The following RPS6KB1 variants were observed in gnomAD, a reference collection of about 807,000 sequenced individuals.
RPS6KB1 encodes the protein ribosomal protein S6 kinase beta-1.
A neutral mutation model predicts 70.2 loss-of-function variants in RPS6KB1; 12 were observed. The ratio of observed to expected loss-of-function variants is 0.17; its 90% CI spans 0.11 to 0.28. The LOEUF is 0.28. RPS6KB1 is among the 10% of genes least tolerant of loss of function. RPS6KB1 has a pLI of 1.00. For synonymous variants in RPS6KB1, 175 were observed against 211.2 expected (o/e 0.83, Z 1.49); for missense variants, 270 against 646.6 (o/e 0.42, Z 6.32).
intron 2 of RPS6KB1, 25 bp downstream of exon 2, chr17:59,910,636 A>G (rs2042577734): frequency 6.7e-7 from 1 of 1,482,188 alleles, no homozygotes; most frequent in Non-Finnish European, 9.3e-7. Flanking sequence ...AGAGATTTTC[A>G]TTGTGTTGTC....
chr17:59,919,388 G>A (rs568089131), intron 4 of RPS6KB1, among the ~76,000 whole-genome samples: 1 of 152,288 alleles, frequency 6.6e-6, no homozygotes, highest in Admixed American at 6.5e-5. Flanking sequence ...CTGGGAGGTG[G>A]AGGTTGCAGT....
Position 59,928,420 on chromosome 17 carries a change from G to A in RPS6KB1, c.530-1697G>A, listed in dbSNP as rs572364661. Among the ~76,000 whole-genome samples the A allele has an allele frequency of 1.7e-4, 25 of 149,500 alleles. No homozygotes were observed. The East Asian group carries it at 3.1e-3, about 19-fold the overall frequency. ...TTTTGAGATGGAGTCTCACTCTGTC[G>A]CCCAGACTGGAGTGCAGTGGTGCAA... On this transcript the variant is annotated intron_variant, in intron 5 of 14. Transcript: ENST00000225577.
intron 12 of RPS6KB1, among the ~76,000 whole-genome samples, chr17:59,938,246 C>T (rs1200149971): frequency 7.0e-6 from 1 of 143,184 alleles, no homozygotes; most frequent in South Asian, 2.3e-4. Context: ...GATAGTGGCT[C>T]ATGGCAGCCT....
intron 4 of RPS6KB1, among the ~76,000 whole-genome samples, chr17:59,915,623 G>A (rs1256945725): frequency 6.7e-6 from 1 of 149,654 alleles, no homozygotes; most frequent in South Asian, 2.1e-4. Context: ...CTACCACCAC[G>A]CCTGGCTAAT....
chr17:59,938,880 T>TCAGCA (rs1244198612), intron 12 of RPS6KB1, among the ~76,000 whole-genome samples: 1 of 151,872 alleles, frequency 6.6e-6, no homozygotes, highest in African/African-American at 2.4e-5. Context: ...GGAGTAAGAG[T>TCAGCA]CAGCACAGCA....
chr17:59,895,908 C>T (rs1201776812), intron 1 of RPS6KB1, among the ~76,000 whole-genome samples: 2 of 152,182 alleles, frequency 1.3e-5, no homozygotes, highest in Non-Finnish European at 2.9e-5. Flanking sequence ...GCTGGGATTA[C>T]AGGCGTGAGC....
chr17:59,894,627 T>C (rs2041407525), intron 1 of RPS6KB1, among the ~76,000 whole-genome samples: 1 of 152,206 alleles, frequency 6.6e-6, no homozygotes, highest in Non-Finnish European at 1.5e-5. Context: ...TTGTTTTGAG[T>C]TGGGTCTCAC....
intron 5 of RPS6KB1, among the ~76,000 whole-genome samples, chr17:59,929,699 A>C (rs532836354): frequency 6.6e-6 from 1 of 152,290 alleles, no homozygotes; most frequent in East Asian, 1.9e-4. Flanking sequence ...CTGTTTATTT[A>C]AGGGTTCTGA....
intron 4 of RPS6KB1, among the ~76,000 whole-genome samples, chr17:59,922,987 C>T (rs1357381811): frequency 2.6e-5 from 4 of 151,276 alleles, no homozygotes; most frequent in African/African-American, 9.7e-5. Flanking sequence ...CTGCCTCAGC[C>T]TCCTGAGTCG....
chr17:59,928,729 T>C (rs1393939767), intron 5 of RPS6KB1, among the ~76,000 whole-genome samples: 1 of 152,230 alleles, frequency 6.6e-6, no homozygotes, highest in Non-Finnish European at 1.5e-5. Flanking sequence ...GAAATTAACA[T>C]TGATGCAATT....
At chr17:59,906,562 A>G (rs1362202829) in intron 1 of RPS6KB1, among the ~76,000 whole-genome samples, 1 of 152,122 alleles carries the variant, frequency 6.6e-6, no homozygotes, top group Non-Finnish European at 1.5e-5. Context: ...GGGTTTCACC[A>G]TATTGGCCAG....
chr17:59,912,499 G>A (rs1292034), intron 2 of RPS6KB1, 185 bp from the exon 3 acceptor site: 251,610 of 508,614 alleles, frequency 0.49, 66,203 homozygotes, highest in African/African-American at 0.82. Context: ...GGAGGCAAAC[G>A]ATTATCAGGC....
intron 1 of RPS6KB1, among the ~76,000 whole-genome samples, chr17:59,896,233 G>T (rs1282409376): frequency 1.3e-5 from 2 of 151,324 alleles, no homozygotes; most frequent in Non-Finnish European, 2.9e-5. Flanking sequence ...TGCTCTATTT[G>T]CCCAGGCTGG....
Position 59,893,695 on chromosome 17 carries a change from G to A in RPS6KB1, c.141+370G>A, listed in dbSNP as rs1012508066. On this transcript the variant is annotated intron_variant, in intron 1 of 14. Transcript: ENST00000225577. The surrounding 1 kb of genome is among the most constrained non-coding windows in gnomAD (Gnocchi z 4.1). Reference sequence around the variant, plus strand: ...CTTGCTGGGTGTCCCGTAAGTGCAGGCGAAGTGTGGAGGGTTTCCCTTCGA... The same window carrying A: ...CTTGCTGGGTGTCCCGTAAGTGCAGACGAAGTGTGGAGGGTTTCCCTTCGA... 6.4e-5 allele frequency: 53 copies of A among 822,094 alleles called. No individual in the cohort carries two copies. The African/African-American group carries it at 9.3e-4, about 14-fold the overall frequency. The allele number at this position is 822,094 out of a possible 1,614,324, so 50.9% of individuals were successfully genotyped here. A position where few individuals can be genotyped will look rare whatever the true frequency, so the allele number is the denominator to read the frequency against.
At chr17:59,938,285 G>A (rs539671532) in intron 12 of RPS6KB1, among the ~76,000 whole-genome samples, 4 of 150,622 alleles carry the variant, frequency 2.7e-5, no homozygotes, top group Non-Finnish European at 4.4e-5. Context: ...GGCTCCTCCC[G>A]TATAGCTGGG....
chr17:59,920,973 T>C (rs191072958), intron 4 of RPS6KB1, among the ~76,000 whole-genome samples: 1 of 152,266 alleles, frequency 6.6e-6, no homozygotes, highest in Non-Finnish European at 1.5e-5. Flanking sequence ...GCTGGAATTA[T>C]GGGCGTGAGC....
rs2045128025 is a variant in RPS6KB1, at chr17:59,950,008, CA to C, written c.*3225del. 1 of 152,480 alleles carries C rather than the reference CA, an allele frequency of 6.6e-6. No individual in the cohort carries two copies. Among genetic ancestry groups the C allele is most frequent in the Non-Finnish European group, 1.5e-5 (1 of 67,952 alleles). 9.4% of individuals were successfully genotyped at this position (152,480 alleles called of 1,614,324 possible). On this transcript the variant is annotated 3_prime_UTR_variant, in exon 15 of 15. Coordinates refer to ENST00000225577, the MANE Select transcript of RPS6KB1 (RefSeq NM_003161.4). ...AAGGCTTTGAAAATGGTTAATTTCT[CA>C]AAAACATCAATGTCCAAACATCTAC...
chr17:59,936,653 A>G, intron 12 of RPS6KB1, 112 bp downstream of exon 12: 2 of 830,908 alleles, frequency 2.4e-6, no homozygotes, highest in Non-Finnish European at 4.1e-6. Context: ...CAAGACCAGC[A>G]TGGGCAACAT....
At chr17:59,911,139 C>T (rs567421563) in intron 2 of RPS6KB1, among the ~76,000 whole-genome samples, 17 of 152,092 alleles carry the variant, frequency 1.1e-4, no homozygotes, top group East Asian at 3.9e-4. Flanking sequence ...AAAAATTAGC[C>T]GGGCGACATA....
Sources: allele counts gnomAD v4.1 joint callset (sites outside exome capture counted in the v4.1 genomes callset), GRCh38; gene constraint gnomAD v4.1.1; non-coding constraint Gnocchi (gnomAD v3.1); transcripts MANE v1.5; gene names NCBI Gene and HGNC (gene_info 2026-07-23, HGNC 2026-07-21).